Variants in MAOB observed in about 807,000 individuals in gnomAD.
MAOB encodes amine oxidase [flavin-containing] B.
A neutral mutation model predicts 41.9 loss-of-function variants in MAOB; 15 were observed. The observed-to-expected ratio is 0.36, with a 90% CI of 0.24 to 0.55. The LOEUF (loss-of-function observed/expected upper bound fraction) is 0.55, where lower values mean the gene tolerates loss of function less well. Among genes scored for constraint, MAOB ranks in the 20% least tolerant of loss-of-function variants. MAOB has a pLI of 0.86. For synonymous variants in MAOB, 167 were observed against 144.2 expected (o/e 1.16, Z -1.13); for missense variants, 345 against 398.7 (o/e 0.87, Z 1.15).
chrX:43,865,566 AAT>A (rs2035359313), intron 1 of MAOB, among the ~76,000 whole-genome samples: 1 of 112,073 alleles, frequency 8.9e-6, no homozygotes, highest in South Asian at 3.7e-4. Context: ...GTATGTGAAT[AAT>A]ATCTCAACAA....
intron 6 of MAOB, 114 bp downstream of exon 6, chrX:43,797,011 C>T (rs2034536607): frequency 1.3e-6 from 1 of 783,791 alleles, no homozygotes. Flanking sequence ...CATGGTAATG[C>T]TCTAAAAGCC....
chrX:43,771,087 G>A (rs981803054), intron 12 of MAOB, among the ~76,000 whole-genome samples: 1 of 111,728 alleles, frequency 9.0e-6, no homozygotes, highest in South Asian at 3.8e-4. Context: ...TCTTTCACCT[G>A]CTCTGATTGT....
At chrX:43,843,288 G>A (rs759444300) in intron 2 of MAOB, among the ~76,000 whole-genome samples, 1 of 108,824 alleles carries the variant, frequency 9.2e-6, no homozygotes, top group East Asian at 2.9e-4. Flanking sequence ...TGGTGTGAAG[G>A]AAGCATCGAA....
At chrX:43,857,876 G>A (rs748613390) in intron 1 of MAOB, among the ~76,000 whole-genome samples, 2 of 112,119 alleles carry the variant, frequency 1.8e-5, no homozygotes, top group African/African-American at 6.5e-5. Flanking sequence ...CCAACAGCAA[G>A]GGCTTTGGAG....
intron 1 of MAOB, among the ~76,000 whole-genome samples, chrX:43,870,822 GAAAGAA>G (rs1343932312): frequency 1.7e-4 from 16 of 96,728 alleles, no homozygotes; most frequent in African/African-American, 5.7e-4. Context: ...AAAAAAAAGA[GAAAGAA>G]AAAGAAAAGA....
chrX:43,864,406 C>G (rs1029170121), intron 1 of MAOB, among the ~76,000 whole-genome samples: 6 of 111,285 alleles, frequency 5.4e-5, no homozygotes, highest in Non-Finnish European at 9.4e-5. Flanking sequence ...GTTTTAGCTT[C>G]ATTGGTCTTG....
At chrX:43,770,428 G>A (rs1462781484) in intron 12 of MAOB, among the ~76,000 whole-genome samples, 1 of 111,432 alleles carries the variant, frequency 9.0e-6, no homozygotes, top group Non-Finnish European at 1.9e-5. Flanking sequence ...GCTAATCGTT[G>A]TTTCAGGGTC....
intron 1 of MAOB, among the ~76,000 whole-genome samples, chrX:43,877,380 T>C (rs1439742431): frequency 2.7e-5 from 3 of 110,286 alleles, no homozygotes; most frequent in African/African-American, 9.9e-5. Flanking sequence ...TAGTGGCAAC[T>C]GGCTCTACTC....
chrX:43,771,234 T>C (rs1166179417), intron 12 of MAOB, among the ~76,000 whole-genome samples: 1 of 112,264 alleles, frequency 8.9e-6, no homozygotes, highest in Non-Finnish European at 1.9e-5. Flanking sequence ...CAAGTACCCA[T>C]ACAACCATTC....
intron 7 of MAOB, 35 bp from the exon 8 acceptor site, chrX:43,793,613 C>T (rs764041828): frequency 3.6e-6 from 4 of 1,116,452 alleles, no homozygotes; most frequent in East Asian, 6.2e-5. Context: ...ACATTGTTGC[C>T]GTGTTGCTTT....
chrX:43,798,861 A>T (rs1399013894), intron 5 of MAOB, among the ~76,000 whole-genome samples: 1 of 111,810 alleles, frequency 8.9e-6, no homozygotes, highest in African/African-American at 3.2e-5. Context: ...ACCGTATCAA[A>T]TATCTATTAT....
At chrX:43,819,563 T>C (rs1264891909) in intron 3 of MAOB, among the ~76,000 whole-genome samples, 1 of 111,523 alleles carries the variant, frequency 9.0e-6, no homozygotes, top group Non-Finnish European at 1.9e-5. Context: ...ACCACCAACA[T>C]GCTATTCGCC....
chrX:43,815,085 C>T (rs1441004497), intron 3 of MAOB, among the ~76,000 whole-genome samples: 1 of 111,184 alleles, frequency 9.0e-6, no homozygotes, highest in Non-Finnish European at 1.9e-5. Context: ...TAATTCTTTG[C>T]TGCTTGTATC....
intron 3 of MAOB, among the ~76,000 whole-genome samples, chrX:43,819,779 C>A (rs960452364): frequency 9.0e-6 from 1 of 111,251 alleles, no homozygotes; most frequent in Non-Finnish European, 1.9e-5. Flanking sequence ...TGGCAAGGTC[C>A]CAATTGTTTC....
chrX:43,880,140 G>A (rs761428888), intron 1 of MAOB, among the ~76,000 whole-genome samples: 1 of 112,027 alleles, frequency 8.9e-6, no homozygotes, highest in Non-Finnish European at 1.9e-5. Context: ...GAGGGCCCCA[G>A]GAACAATGGC....
intron 7 of MAOB, among the ~76,000 whole-genome samples, chrX:43,793,822 G>A (rs1028023868): frequency 1.2e-4 from 13 of 111,269 alleles, no homozygotes; most frequent in Non-Finnish European, 2.3e-4. Flanking sequence ...AAATGGGCCC[G>A]TTACATCACT....
At chrX:43,823,858 T>C (rs150296894) in intron 3 of MAOB, among the ~76,000 whole-genome samples, 1 of 112,170 alleles carries the variant, frequency 8.9e-6, no homozygotes, top group East Asian at 2.8e-4. Flanking sequence ...AAACTTTTAA[T>C]TCAGAAGGTC....
intron 1 of MAOB, among the ~76,000 whole-genome samples, chrX:43,879,278 C>T (rs1371328333): frequency 8.9e-6 from 1 of 112,430 alleles, no homozygotes; most frequent in Non-Finnish European, 1.9e-5. Flanking sequence ...TATTAACCAG[C>T]TATCCTCCCA....
chrX:43,849,924 A>C (rs1285571511), intron 1 of MAOB, among the ~76,000 whole-genome samples: 1 of 112,504 alleles, frequency 8.9e-6, no homozygotes, highest in Non-Finnish European at 1.9e-5. Flanking sequence ...GTCATCCAGA[A>C]ATGGTAACAT....
Sources: gnomAD v4.1 joint callset for allele counts (sites outside exome capture counted in the v4.1 genomes callset) on GRCh38, gnomAD v4.1.1 for gene constraint, MANE v1.5 for transcripts, NCBI Gene and HGNC (gene_info 2026-07-23, HGNC 2026-07-21) for gene names.